Variants in GRID1 observed in about 807,000 individuals in gnomAD.
GRID1 encodes the protein glutamate receptor ionotropic, delta-1.
A neutral mutation model predicts 98.0 loss-of-function variants in GRID1; 28 were observed. The ratio of observed to expected loss-of-function variants is 0.29; its 90% CI spans 0.21 to 0.39. The LOEUF is 0.39. Ranked by LOEUF, GRID1 falls within the 10% of genes least tolerant of loss-of-function variation. GRID1 has a pLI of 1.00. For missense variants in GRID1, 1,111 were observed against 1,340.5 expected (o/e 0.83, Z 2.67); for synonymous variants, 553 against 538.5 (o/e 1.03, Z -0.37).
chr10:85,813,348 A>G (rs1836331301), intron 8 of GRID1, among the ~76,000 whole-genome samples: 1 of 151,780 alleles, frequency 6.6e-6, no homozygotes, highest in Non-Finnish European at 1.5e-5. Context: ...AGCAGCCAGA[A>G]GAAAACAACA....
At chr10:85,838,896 G>C (rs1197032388) in intron 8 of GRID1, among the ~76,000 whole-genome samples, 1 of 151,920 alleles carries the variant, frequency 6.6e-6, no homozygotes, top group African/African-American at 2.4e-5. Flanking sequence ...GTCTTCAAGA[G>C]ACCCATCTCA....
chr10:85,625,035 A>G (rs1238607170), intron 13 of GRID1, among the ~76,000 whole-genome samples: 2 of 152,206 alleles, frequency 1.3e-5, no homozygotes, highest in African/African-American at 2.4e-5. Flanking sequence ...ACTTAAGGAA[A>G]GTGGCAGAAA....
chr10:85,764,968 G>A (rs1325237993), intron 8 of GRID1, among the ~76,000 whole-genome samples: 1 of 152,198 alleles, frequency 6.6e-6, no homozygotes, highest in African/African-American at 2.4e-5. Flanking sequence ...GACAAAGCAA[G>A]TGGTTAGATG....
intron 5 of GRID1, among the ~76,000 whole-genome samples, chr10:85,900,430 G>A (rs1841365299): frequency 6.6e-6 from 1 of 152,170 alleles, no homozygotes; most frequent in Admixed American, 6.5e-5. Context: ...CGGAAAGGTA[G>A]ACACCAACCT....
chr10:86,069,714 A>G (rs1215877529), intron 4 of GRID1, among the ~76,000 whole-genome samples: 1 of 152,244 alleles, frequency 6.6e-6, no homozygotes, highest in Non-Finnish European at 1.5e-5. Flanking sequence ...AAGCTTCATC[A>G]GTAAGACCAT....
chr10:85,626,235 C>G (rs986240681), intron 13 of GRID1, among the ~76,000 whole-genome samples: 2 of 152,172 alleles, frequency 1.3e-5, no homozygotes, highest in African/African-American at 4.8e-5. Context: ...AAGACTGAGG[C>G]TCCAAAAAAT....
chr10:86,016,609 T>C lies in GRID1; in HGVS notation c.727-100370A>G, dbSNP rs1386418005. On this transcript the variant is annotated intron_variant, in intron 4 of 15. Transcript: ENST00000327946. ...GCGTCTAGCACAAAGTAGTCCTCCA[T>C]AAATATTAGTGGAATATACAATGAA... is the stretch of plus-strand genomic sequence containing the variant. Among the ~76,000 whole-genome samples, 5 of 152,340 alleles carry C rather than the reference T, an allele frequency of 3.3e-5. No individual in the cohort carries two copies. The East Asian group carries it at 9.6e-4, about 29-fold the overall frequency.
intron 8 of GRID1, among the ~76,000 whole-genome samples, chr10:85,798,037 CA>C (rs1373590760): frequency 6.6e-6 from 1 of 152,118 alleles, no homozygotes; most frequent in Non-Finnish European, 1.5e-5. Flanking sequence ...TGGTTGATTC[CA>C]TGTCTTTTCT....
At chr10:86,169,028 G>A (rs538485974) in intron 3 of GRID1, among the ~76,000 whole-genome samples, 11 of 152,214 alleles carry the variant, frequency 7.2e-5, no homozygotes, top group Non-Finnish European at 1.0e-4. Context: ...GCACAATGCC[G>A]GTGCAGAAAG....
intron 4 of GRID1, among the ~76,000 whole-genome samples, chr10:86,067,193 G>A (rs1313276186): frequency 1.3e-5 from 2 of 152,366 alleles, no homozygotes; most frequent in East Asian, 3.9e-4. Context: ...CTGATAAGGT[G>A]TTAATAAACC....
intron 4 of GRID1, among the ~76,000 whole-genome samples, chr10:86,007,203 G>A (rs1039446522): frequency 3.3e-5 from 5 of 152,180 alleles, no homozygotes; most frequent in African/African-American, 1.2e-4. Flanking sequence ...CATCATAAAA[G>A]GGAAAGAAGA....
intron 2 of GRID1, among the ~76,000 whole-genome samples, chr10:86,347,720 C>T (rs1848405472): frequency 6.6e-6 from 1 of 152,192 alleles, no homozygotes; most frequent in Admixed American, 6.5e-5. Context: ...AGCCTCTGGC[C>T]TTTTCTATTA....
rs112291863 is a variant in GRID1, at chr10:86,130,155, T to C, written c.726+8664A>G. Among the ~76,000 whole-genome samples the C allele has an allele frequency of 8.8e-3, 1,343 of 152,336 alleles. 7 individuals are homozygous for C. Among genetic ancestry groups the C allele is most frequent in the Non-Finnish European group, 0.013 (881 of 68,040 alleles). The stretch of plus-strand genomic sequence containing the variant: ...CCAGGTCTGCTGACCACTAGGTTCA[T>C]GAGTAACAACACATGCTTACTGTTG... On this transcript the variant is annotated intron_variant, in intron 4 of 15. Coordinates refer to ENST00000327946, the MANE Select transcript of GRID1 (RefSeq NM_017551.3).
chr10:85,716,491 A>G lies in GRID1; in HGVS notation c.1997+6512T>C, dbSNP rs11201748. Among the ~76,000 whole-genome samples the G allele has an allele frequency of 4.4e-3, 672 of 152,064 alleles. 2 individuals carry two copies. The highest frequency in any genetic ancestry group is 0.015 in the African/African-American group (639 of 41,488). On this transcript the variant is annotated intron_variant, in intron 12 of 15. Transcript: ENST00000327946. Reference sequence around the variant, plus strand: ...ACGAGTTAATGGGTGCAGCACACCAACATGGCACATGTATACATATGTAAC... The same window carrying G: ...ACGAGTTAATGGGTGCAGCACACCAGCATGGCACATGTATACATATGTAAC...
rs1305886343 is a variant in GRID1, at chr10:86,177,471, G to T, written c.520+28893C>A. ...TGGGTGCATGCATTACAGAGAGAGA[G>T]ACAGAAGCTTTAGCGTGTGCATGCA... On this transcript the variant is annotated intron_variant, in intron 3 of 15. Coordinates refer to ENST00000327946, the MANE Select transcript of GRID1 (RefSeq NM_017551.3). 2.0e-5 allele frequency among the ~76,000 whole-genome samples: 3 copies of T among 152,056 alleles called. No homozygotes were observed. The East Asian group carries it at 5.8e-4, about 29-fold the overall frequency.
At chr10:86,334,146 T>C (rs1299695642) in intron 2 of GRID1, among the ~76,000 whole-genome samples, 1 of 152,110 alleles carries the variant, frequency 6.6e-6, no homozygotes, top group African/African-American at 2.4e-5. Flanking sequence ...GACTAATGAA[T>C]AGAACAAACT....
At chr10:86,131,690 C>T (rs573874617) in intron 4 of GRID1, among the ~76,000 whole-genome samples, 1 of 152,294 alleles carries the variant, frequency 6.6e-6, no homozygotes, top group East Asian at 1.9e-4. Flanking sequence ...GCACTCAGGC[C>T]TTTTTCCCTG....
At chr10:86,209,686 A>G (rs1846080380) in intron 2 of GRID1, among the ~76,000 whole-genome samples, 1 of 152,264 alleles carries the variant, frequency 6.6e-6, no homozygotes, top group Admixed American at 6.5e-5. Flanking sequence ...ATTGTATAAA[A>G]TAAACTGTAT....
chr10:86,053,554 G>T (rs1843532296), intron 4 of GRID1, among the ~76,000 whole-genome samples: 2 of 152,014 alleles, frequency 1.3e-5, no homozygotes, highest in South Asian at 4.1e-4. Context: ...TAGAGATGGG[G>T]TTTCGCCGTG....
Sources: allele counts gnomAD v4.1 joint callset (sites outside exome capture counted in the v4.1 genomes callset), GRCh38; gene constraint gnomAD v4.1.1; transcripts MANE v1.5; gene names NCBI Gene and HGNC (gene_info 2026-07-23, HGNC 2026-07-21).